MLIP: variants seen among roughly 807,000 people sequenced by gnomAD.
MLIP encodes muscular LMNA-interacting protein.
In MLIP, 79 loss-of-function variants were observed where a neutral mutation model predicts 84.8. The ratio of observed to expected loss-of-function variants is 0.93; its 90% CI spans 0.78 to 1.12. The LOEUF (loss-of-function observed/expected upper bound fraction) is 1.12, where lower values mean the gene tolerates loss of function less well. MLIP is among the 50% of genes most tolerant of loss of function. MLIP has a pLI of 0.00. For missense variants in MLIP, 1,257 were observed against 1,160.6 expected, an observed-to-expected ratio of 1.08 and a Z score of -1.21; for synonymous variants, 504 against 463.0, an observed-to-expected ratio of 1.09 and a Z score of -1.14.
intron 9 of MLIP, among the ~76,000 whole-genome samples, chr6:54,179,934 C>T (rs759799414): frequency 3.9e-5 from 6 of 152,120 alleles, no homozygotes; most frequent in Non-Finnish European, 7.4e-5. Context: ...CATTAACAGT[C>T]TTTTCTTTCA....
intron 12 of MLIP, among the ~76,000 whole-genome samples, chr6:54,254,914 CCA>C (rs1782904118): frequency 6.6e-6 from 1 of 152,060 alleles, no homozygotes; most frequent in South Asian, 2.1e-4. Flanking sequence ...GACCACATGA[CCA>C]CACGTGTCCC....
chr6:54,103,945 G>C (rs1192543870), intron 1 of MLIP, among the ~76,000 whole-genome samples: 1 of 152,122 alleles, frequency 6.6e-6, no homozygotes, highest in East Asian at 1.9e-4. Context: ...TTGTGGGCTA[G>C]GGAGGTTCGT....
intron 12 of MLIP, among the ~76,000 whole-genome samples, chr6:54,242,097 C>T (rs1479985112): frequency 6.6e-6 from 1 of 152,166 alleles, no homozygotes; most frequent in African/African-American, 2.4e-5. Context: ...TAGTCTGGAA[C>T]CTCTGGTGAG....
Position 54,136,715 on chromosome 6 carries a change from T to C in MLIP, c.646T>C (p.Leu216=). Residue 216 remains leucine, a splice_region_variant and synonymous_variant, in exon 4 of 14, where the codon TTA becomes CTA. Coordinates refer to ENST00000502396, the MANE Select transcript of MLIP (RefSeq NM_001281747.2). ...ATCTGTCTATTTCTCTTTCCTCTAG[T>C]TAACTTCTTCTCCCACTACCTCTGA... The part of the protein sequence containing the change: ...GMAPQQKHGQ[L]TSSPTTSEQL... The C allele has an allele frequency of 6.8e-7, 1 of 1,472,110 alleles. No individual in the cohort carries two copies. The highest frequency in any genetic ancestry group is 1.3e-5 in the South Asian group (1 of 75,766). The allele number at this position is 1,472,110 out of a possible 1,614,324, so 91.2% of individuals were successfully genotyped here. A position where few individuals can be genotyped will look rare whatever the true frequency, so the allele number is the denominator to read the frequency against.
chr6:54,163,539 A>G (rs1038083353), intron 8 of MLIP, among the ~76,000 whole-genome samples: 2 of 151,976 alleles, frequency 1.3e-5, no homozygotes, highest in Non-Finnish European at 2.9e-5. Flanking sequence ...TTACATATAC[A>G]TTATTAAAGA....
At chr6:54,257,407 G>A in intron 13 of MLIP, 46 bp downstream of exon 13, 3 of 1,381,124 alleles carry the variant, frequency 2.2e-6, no homozygotes, top group South Asian at 1.2e-5. Flanking sequence ...ATTTCTGTGT[G>A]ATTATAGAAA....
intron 12 of MLIP, among the ~76,000 whole-genome samples, chr6:54,239,105 T>A (rs1339305269): frequency 6.6e-6 from 1 of 152,056 alleles, no homozygotes. Flanking sequence ...AGTATTTATA[T>A]CTGGAGTAGT....
intron 12 of MLIP, among the ~76,000 whole-genome samples, chr6:54,231,783 A>T (rs956506469): frequency 7.2e-5 from 11 of 152,214 alleles, no homozygotes; most frequent in African/African-American, 2.7e-4. Context: ...CTCTATACTT[A>T]GAAATCAATC....
At chr6:54,223,466 A>G (rs1780360064) in intron 11 of MLIP, among the ~76,000 whole-genome samples, 1 of 152,064 alleles carries the variant, frequency 6.6e-6, no homozygotes, top group Non-Finnish European at 1.5e-5. Flanking sequence ...ATTCTTCTGC[A>G]TGAGGACATA....
chr6:54,149,255 A>G, intron 5 of MLIP, 128 bp downstream of exon 5: 1 of 815,546 alleles, frequency 1.2e-6, no homozygotes, highest in Non-Finnish European at 2.0e-6. Context: ...TTCCATTCTT[A>G]GTTTAGGATG....
chr6:54,262,881 G>T (rs1783476741), intron 13 of MLIP, among the ~76,000 whole-genome samples: 2 of 152,022 alleles, frequency 1.3e-5, no homozygotes, highest in Non-Finnish European at 2.9e-5. Flanking sequence ...CTTACACTTG[G>T]TTGGCAAGAA....
At chr6:54,047,597 G>A (rs1445959961) in intron 1 of MLIP, 1 of 152,250 alleles carries the variant, frequency 6.6e-6, no homozygotes, top group Non-Finnish European at 1.5e-5. Context: ...CGGAACCCAG[G>A]AAGAATGGAA....
chr6:54,245,073 C>A (rs1314090037), intron 12 of MLIP, among the ~76,000 whole-genome samples: 1 of 152,124 alleles, frequency 6.6e-6, no homozygotes, highest in African/African-American at 2.4e-5. Context: ...AATAAACTGC[C>A]ATCCATTTGC....
At chr6:54,252,245 TATA>T (rs1461481852) in intron 12 of MLIP, among the ~76,000 whole-genome samples, 1 of 111,868 alleles carries the variant, frequency 8.9e-6, no homozygotes, top group Non-Finnish European at 1.6e-5. Context: ...AATATATAAG[TATA>T]ATATATTATA....
At chr6:54,261,913 T>G in intron 13 of MLIP, 1 of 205,072 alleles carries the variant, frequency 4.9e-6, no homozygotes, top group Non-Finnish European at 8.6e-6. Flanking sequence ...TAGGCAAGAA[T>G]TTGGAATCTG....
At chr6:54,247,135 T>C (rs1324063776) in intron 12 of MLIP, among the ~76,000 whole-genome samples, 1 of 152,146 alleles carries the variant, frequency 6.6e-6, no homozygotes, top group East Asian at 1.9e-4. Context: ...CATCCCATAT[T>C]TGAATGAACT....
chr6:54,035,383 G>A (rs550789696), intron 1 of MLIP, among the ~76,000 whole-genome samples: 1 of 152,164 alleles, frequency 6.6e-6, no homozygotes, highest in South Asian at 2.1e-4. Context: ...TATTTGTGTG[G>A]TTTCCAATGT....
At chr6:54,107,075 A>C (rs1159322999), upstream of MLIP, among the ~76,000 whole-genome samples, 1 of 152,186 alleles carries the variant, frequency 6.6e-6, no homozygotes, top group Non-Finnish European at 1.5e-5. Flanking sequence ...CTAATGGATA[A>C]ATGTTTCTTA....
chr6:54,084,872 T>C (rs1767385859), intron 1 of MLIP, among the ~76,000 whole-genome samples: 1 of 152,180 alleles, frequency 6.6e-6, no homozygotes, highest in Non-Finnish European at 1.5e-5. Flanking sequence ...CTTCTTCGCT[T>C]CATTTACTTT....
Sources: allele counts gnomAD v4.1 joint callset (sites outside exome capture counted in the v4.1 genomes callset), GRCh38; gene constraint gnomAD v4.1.1; transcripts MANE v1.5; gene names NCBI Gene and HGNC (gene_info 2026-07-23, HGNC 2026-07-21).